Variants in ERBB4 observed in about 807,000 individuals in gnomAD.
ERBB4 encodes the protein receptor tyrosine-protein kinase erbB-4.
ERBB4 carries 42 observed loss-of-function variants against 158.0 expected under a neutral mutation model. That is an observed-to-expected ratio of 0.27 (90% CI 0.21 to 0.34). ERBB4 has a LOEUF of 0.34. ERBB4 is among the 10% of genes least tolerant of loss of function. The pLI, the probability that ERBB4 is intolerant of heterozygous loss-of-function variation, is 1.00. For synonymous variants in ERBB4, 583 were observed against 558.7 expected (o/e 1.04, Z -0.61); for missense variants, 1,333 against 1,624.1 (o/e 0.82, Z 3.08).
At chr2:212,132,597 G>T (rs933125548) in intron 1 of ERBB4, among the ~76,000 whole-genome samples, 2 of 151,946 alleles carry the variant, frequency 1.3e-5, no homozygotes, top group Admixed American at 1.3e-4. Flanking sequence ...GGCACTTTAG[G>T]TTCTTAAGTC....
intron 1 of ERBB4, among the ~76,000 whole-genome samples, chr2:212,397,525 A>G (rs553047706): frequency 7.0e-6 from 1 of 142,734 alleles, no homozygotes; most frequent in Non-Finnish European, 1.5e-5. Flanking sequence ...GGAAGGGGGG[A>G]AGGGAGGGAG....
chr2:211,580,855 G>GAGA (rs1559317425), intron 19 of ERBB4, among the ~76,000 whole-genome samples: 1 of 13,896 alleles, frequency 7.2e-5, no homozygotes, highest in Non-Finnish European at 2.5e-4. Flanking sequence ...TATATATATA[G>GAGA]TATGCATATA....
intron 3 of ERBB4, among the ~76,000 whole-genome samples, chr2:211,872,114 T>C (rs1241875020): frequency 6.6e-6 from 1 of 152,086 alleles, no homozygotes; most frequent in Non-Finnish European, 1.5e-5. Context: ...ACCAAAAATA[T>C]CATTCCGTGC....
intron 1 of ERBB4, among the ~76,000 whole-genome samples, chr2:212,168,373 T>C (rs2081413630): frequency 6.6e-6 from 1 of 152,150 alleles, no homozygotes. Flanking sequence ...AGAATTATTC[T>C]TCTTGCATGA....
chr2:211,945,028 A>G (rs919121915), intron 3 of ERBB4, among the ~76,000 whole-genome samples: 1 of 152,010 alleles, frequency 6.6e-6, no homozygotes, highest in Non-Finnish European at 1.5e-5. Context: ...TGTTTTAAAA[A>G]CTCTTGCTTT....
At chr2:211,716,362 CAAAAAAAAAAAAA>C (rs534486221) in intron 7 of ERBB4, among the ~76,000 whole-genome samples, 56 of 69,286 alleles carry the variant, frequency 8.1e-4, no homozygotes, top group African/African-American at 3.9e-3. Flanking sequence ...AACTCTGTCT[CAAAAAAAAAAAAA>C]AAAAAAAAAA....
rs562483083 is a variant in ERBB4, at chr2:211,785,170, C to G, written c.556+2855G>C. ...AGGCTGGAGTGCAGTGGTGCCATCT[C>G]GGCTCACTGCAAGCCCCGCCTCCTG... On this transcript the variant is annotated intron_variant, in intron 4 of 27. Coordinates refer to ENST00000342788, the MANE Select transcript of ERBB4 (RefSeq NM_005235.3). Among the ~76,000 whole-genome samples, 9 of 150,868 alleles carry G rather than the reference C, an allele frequency of 6.0e-5. 1 individual carries two copies. Among genetic ancestry groups the G allele is most frequent in the Admixed American group, 2.0e-4 (3 of 15,138 alleles).
At chr2:211,746,361 T>C (rs752594198) in intron 5 of ERBB4, among the ~76,000 whole-genome samples, 5 of 152,256 alleles carry the variant, frequency 3.3e-5, no homozygotes, top group Non-Finnish European at 7.3e-5. Context: ...GTAGGCTTTG[T>C]GGAGTAAGCA....
intron 25 of ERBB4, among the ~76,000 whole-genome samples, chr2:211,403,642 T>A (rs2063089882): frequency 1.3e-5 from 2 of 152,172 alleles, no homozygotes; most frequent in African/African-American, 4.8e-5. Context: ...TATAGCTGCG[T>A]ATACATTTTG....
chr2:212,155,925 T>G (rs2081022310), intron 1 of ERBB4, among the ~76,000 whole-genome samples: 1 of 152,106 alleles, frequency 6.6e-6, no homozygotes, highest in Non-Finnish European at 1.5e-5. Context: ...AGAAAAAAAT[T>G]TTAATGATAT....
At chr2:212,300,077 C>T (rs1022331662) in intron 1 of ERBB4, among the ~76,000 whole-genome samples, 4 of 151,602 alleles carry the variant, frequency 2.6e-5, no homozygotes, top group African/African-American at 7.2e-5. Context: ...CGAATTAGTT[C>T]GCCCAAGCAG....
Position 211,591,394 on chromosome 2 carries a change from C to T in ERBB4, c.2301+27783G>A, listed in dbSNP as rs1467361107. 8.5e-5 allele frequency among the ~76,000 whole-genome samples: 13 copies of T among 152,290 alleles called. No homozygotes were observed. The East Asian group carries it at 2.5e-3, about 29-fold the overall frequency. The stretch of plus-strand genomic sequence containing the variant: ...ATCTCTTCTCACTTCATCCAATTAA[C>T]TACATTTCCAGACAGGCTTTTTGAA... On this transcript the variant is annotated intron_variant, in intron 19 of 27. Transcript: ENST00000342788.
At chr2:211,892,597 T>C (rs568901349) in intron 3 of ERBB4, among the ~76,000 whole-genome samples, 4 of 145,034 alleles carry the variant, frequency 2.8e-5, no homozygotes, top group Non-Finnish European at 6.0e-5. Flanking sequence ...GTATTCAAAA[T>C]TAGGAAAAGA....
intron 3 of ERBB4, among the ~76,000 whole-genome samples, chr2:211,885,570 C>T (rs899002290): frequency 6.6e-6 from 1 of 152,016 alleles, no homozygotes; most frequent in Non-Finnish European, 1.5e-5. Flanking sequence ...ATTCTCCTAT[C>T]TCAGCCTGCT....
At chr2:211,987,885 G>A (rs2081977957) in intron 2 of ERBB4, among the ~76,000 whole-genome samples, 1 of 152,084 alleles carries the variant, frequency 6.6e-6, no homozygotes, top group African/African-American at 2.4e-5. Context: ...CCATTTAAAG[G>A]AAGTTTTACT....
intron 16 of ERBB4, among the ~76,000 whole-genome samples, chr2:211,655,339 T>C (rs555157938): frequency 2.0e-5 from 3 of 152,172 alleles, no homozygotes; most frequent in Non-Finnish European, 4.4e-5. Context: ...GAATTTTTGA[T>C]GTACAGAAAG....
At chr2:211,448,900 T>C (rs1245859655) in intron 20 of ERBB4, among the ~76,000 whole-genome samples, 3 of 152,158 alleles carry the variant, frequency 2.0e-5, no homozygotes, top group Non-Finnish European at 4.4e-5. Flanking sequence ...TTCTAAGATA[T>C]TTAAAATCTC....
Position 212,064,684 on chromosome 2 carries a change from T to C in ERBB4, c.234+60068A>G, listed in dbSNP as rs193066902. On this transcript the variant is annotated intron_variant, in intron 2 of 27. Transcript: ENST00000342788. ...GCAAGCAGTGTTTACTTTCGCAAAC[T>C]AGAGAACAAAAGAACACTGTAGGTA... Among the ~76,000 whole-genome samples the C allele has an allele frequency of 2.6e-5, 4 of 152,108 alleles. No individual in the cohort carries two copies. In the East Asian group the frequency reaches 7.7e-4, roughly 29 times the overall value.
chr2:211,440,052 A>T (rs2063939345), intron 20 of ERBB4, among the ~76,000 whole-genome samples: 1 of 152,236 alleles, frequency 6.6e-6, no homozygotes, highest in African/African-American at 2.4e-5. Flanking sequence ...CCAAAAAATA[A>T]ATAAATGAAA....
Sources: allele counts gnomAD v4.1 joint callset (sites outside exome capture counted in the v4.1 genomes callset), GRCh38; gene constraint gnomAD v4.1.1; transcripts MANE v1.5; gene names NCBI Gene and HGNC (gene_info 2026-07-23, HGNC 2026-07-21).